The following BIN3 variants were observed in gnomAD, a reference collection of about 807,000 sequenced individuals.
BIN3 encodes the protein bridging integrator 3.
Under a neutral mutation model 38.2 loss-of-function variants are expected in BIN3, and 41 were observed. The observed-to-expected ratio is 1.07, with a 90% CI of 0.84 to 1.39. BIN3 has a LOEUF of 1.39. BIN3 is among the 40% of genes most tolerant of loss of function. The pLI is 0.00. For missense variants in BIN3, 361 were observed against 324.3 expected (o/e 1.11, Z -0.87); for synonymous variants, 145 against 122.6 (o/e 1.18, Z -1.21).
chr8:22,631,717 C>G (rs868107808), intron 4 of BIN3, among the ~76,000 whole-genome samples: 5 of 152,166 alleles, frequency 3.3e-5, no homozygotes, highest in African/African-American at 9.7e-5. Context: ...TCAAGGCACC[C>G]TGGTACCGGA....
intron 1 of BIN3, among the ~76,000 whole-genome samples, chr8:22,657,680 A>T (rs1301194849): frequency 6.6e-6 from 1 of 152,228 alleles, no homozygotes; most frequent in Non-Finnish European, 1.5e-5. Flanking sequence ...GATGAAATGG[A>T]GTATTCCTGC....
intron 1 of BIN3, among the ~76,000 whole-genome samples, chr8:22,663,381 G>A (rs975210890): frequency 4.0e-5 from 6 of 148,278 alleles, no homozygotes; most frequent in African/African-American, 1.5e-4. Flanking sequence ...AGACTGTGGT[G>A]AGCTGTAATT....
intron 2 of BIN3, among the ~76,000 whole-genome samples, chr8:22,637,517 G>A (rs3779729): frequency 0.051 from 7,771 of 152,290 alleles, 265 homozygotes; most frequent in African/African-American, 0.089. Context: ...CAGACACTGT[G>A]ACTACTGACT....
chr8:22,648,160 A>G (rs1289678537), intron 1 of BIN3, among the ~76,000 whole-genome samples: 1 of 151,836 alleles, frequency 6.6e-6, no homozygotes. Context: ...AAAAAGGAAA[A>G]GAAAAATTGT....
chr8:22,623,266 TGGA>T (rs1228835929), intron 8 of BIN3, among the ~76,000 whole-genome samples: 1 of 152,166 alleles, frequency 6.6e-6, no homozygotes, highest in African/African-American at 2.4e-5. Flanking sequence ...GGCTTGAAGA[TGGA>T]GGAGGGTGAG....
At chr8:22,648,137 A>C (rs1802771045) in intron 1 of BIN3, among the ~76,000 whole-genome samples, 1 of 23,542 alleles carries the variant, frequency 4.2e-5, no homozygotes, top group Non-Finnish European at 1.3e-4. Flanking sequence ...TCCGTCTCTC[A>C]AAAAAAAAAA....
intron 1 of BIN3, among the ~76,000 whole-genome samples, chr8:22,652,147 C>G (rs574921154): frequency 9.2e-5 from 14 of 151,986 alleles, no homozygotes; most frequent in African/African-American, 2.7e-4. Context: ...TTTCTTCTTC[C>G]CTTTATAGTT....
chr8:22,649,083 C>G (rs1193173238), intron 1 of BIN3, among the ~76,000 whole-genome samples: 1 of 152,168 alleles, frequency 6.6e-6, no homozygotes, highest in Non-Finnish European at 1.5e-5. Flanking sequence ...CTCAACCTTA[C>G]TTTTCCTATT....
intron 1 of BIN3, among the ~76,000 whole-genome samples, chr8:22,663,913 G>GA (rs1210879064): frequency 6.6e-6 from 1 of 152,218 alleles, no homozygotes; most frequent in African/African-American, 2.4e-5. Context: ...GACATTTAGT[G>GA]ATCGGCTGTC....
At chr8:22,637,315 G>A (rs1160079106) in intron 2 of BIN3, among the ~76,000 whole-genome samples, 1 of 152,170 alleles carries the variant, frequency 6.6e-6, no homozygotes, top group Non-Finnish European at 1.5e-5. Context: ...CATCCAGGAA[G>A]GCAGCAGAGT....
At chr8:22,652,582 G>A (rs1171077090) in intron 1 of BIN3, among the ~76,000 whole-genome samples, 3 of 152,210 alleles carry the variant, frequency 2.0e-5, no homozygotes, top group African/African-American at 7.2e-5. Flanking sequence ...TCATCCTCCC[G>A]ACTTCACTAG....
chr8:22,648,937 A>ATGTG (rs1160954395), intron 1 of BIN3, among the ~76,000 whole-genome samples: 1 of 144,192 alleles, frequency 6.9e-6, no homozygotes, highest in African/African-American at 2.5e-5. Context: ...GTATGTATGT[A>ATGTG]TGTAAGTGTG....
rs377717883 is a variant in BIN3 at position 22,630,423 on chromosome 8, C to T, written c.297+19G>A. 88 of 1,613,294 alleles carry T rather than the reference C, an allele frequency of 5.5e-5. No homozygotes were observed. In the African/African-American group the frequency reaches 9.3e-4, roughly 17 times the overall value. On this transcript the variant is annotated intron_variant, in intron 5 of 8. Transcript: ENST00000276416. ...GGGCAGAAGTCATGCTTGCCCACCC[C>T]ACACCAAGACCTAGTCACCTTTTCC...
At chr8:22,629,666 TCTCA>T (rs1802118742) in intron 6 of BIN3, 4 of 507,474 alleles carry the variant, frequency 7.9e-6, no homozygotes, top group African/African-American at 5.7e-5. Flanking sequence ...CCCCAGTGGC[TCTCA>T]ATCAGGAGGA....
intron 1 of BIN3, among the ~76,000 whole-genome samples, chr8:22,667,346 T>G (rs1315274002): frequency 1.3e-5 from 2 of 152,224 alleles, no homozygotes; most frequent in African/African-American, 2.4e-5. Context: ...AACAACCTGC[T>G]TCGGATCACC....
intron 1 of BIN3, among the ~76,000 whole-genome samples, chr8:22,660,929 G>GGCTGAGGT (rs1803215830): frequency 2.0e-5 from 3 of 152,148 alleles, no homozygotes; most frequent in African/African-American, 7.2e-5. Flanking sequence ...TCTGTATCCA[G>GGCTGAGGT]GCTGAGGTGC....
Position 22,629,954 on chromosome 8 carries a change from A to G in BIN3, c.338+10T>C, listed in dbSNP as rs753095622. ...AAGTGCCCCGAGGCCCCCAGGTGACATTTACTCACTTTTTTAAGGGCTCGA... is the reference window on the plus strand; with the variant it reads ...AAGTGCCCCGAGGCCCCCAGGTGACGTTTACTCACTTTTTTAAGGGCTCGA... On this transcript the variant is annotated intron_variant, in intron 6 of 8. Coordinates refer to ENST00000276416, the MANE Select transcript of BIN3 (RefSeq NM_018688.6). The G allele has an allele frequency of 6.2e-7, 1 of 1,604,632 alleles. No individual in the cohort carries two copies. Among genetic ancestry groups the G allele is most frequent in the South Asian group, 1.1e-5 (1 of 89,294 alleles).
At chr8:22,663,207 AGTGT>A (rs3220194) in intron 1 of BIN3, among the ~76,000 whole-genome samples, 1,700 of 150,234 alleles carry the variant, frequency 0.011, 15 homozygotes, top group Middle Eastern at 0.028. Context: ...TTCAAGTATA[AGTGT>A]GTGTGTGTGT....
chr8:22,667,746 G>A (rs1326446822), intron 1 of BIN3, among the ~76,000 whole-genome samples: 1 of 152,174 alleles, frequency 6.6e-6, no homozygotes, highest in East Asian at 1.9e-4. Context: ...TTAGGACATT[G>A]CTTCAGGCTT....
Sources: gnomAD v4.1 joint callset for allele counts (sites outside exome capture counted in the v4.1 genomes callset) on GRCh38, gnomAD v4.1.1 for gene constraint, MANE v1.5 for transcripts, NCBI Gene and HGNC (gene_info 2026-07-23, HGNC 2026-07-21) for gene names.